Variants in FMN2 observed in about 807,000 individuals in gnomAD.
FMN2 encodes the protein formin 2.
In FMN2, 51 loss-of-function variants were observed where a neutral mutation model predicts 142.3. The ratio of observed to expected loss-of-function variants is 0.36; its 90% confidence interval spans 0.29 to 0.45. FMN2 has a LOEUF of 0.45. Ranked by LOEUF, FMN2 falls within the 20% of genes least tolerant of loss-of-function variation. FMN2 has a pLI of 1.00. For synonymous variants in FMN2, 882 were observed against 869.8 expected, an observed-to-expected ratio of 1.01 and a Z score of -0.25; for missense variants, 1,936 against 2,122.8, an observed-to-expected ratio of 0.91 and a Z score of 1.73.
chr1:240,175,989 C>G (rs1217839564), intron 2 of FMN2, among the ~76,000 whole-genome samples: 1 of 152,052 alleles, frequency 6.6e-6, no homozygotes, highest in Non-Finnish European at 1.5e-5. Context: ...TACTTCCTCC[C>G]ATTTTGTAGG....
At chr1:240,432,766 G>A (rs1675219315) in intron 15 of FMN2, among the ~76,000 whole-genome samples, 1 of 151,806 alleles carries the variant, frequency 6.6e-6, no homozygotes, top group Admixed American at 6.6e-5. Flanking sequence ...TCACAGGTTT[G>A]CTTAATTGCC....
intron 15 of FMN2, among the ~76,000 whole-genome samples, chr1:240,432,294 T>A (rs1209100848): frequency 6.6e-6 from 1 of 152,030 alleles, no homozygotes; most frequent in Non-Finnish European, 1.5e-5. Context: ...GGCATAAAAT[T>A]GTTTACAACA....
rs766875636 is a variant in FMN2 at position 240,092,260 on chromosome 1, G to C, written c.151G>C (p.Gly51Arg). 2.1e-5 allele frequency: 29 copies of C among 1,354,458 alleles called. No homozygotes were observed. The highest frequency in any genetic ancestry group is 1.2e-4 in the Admixed American group (6 of 48,826). The allele number at this position is 1,354,458 out of a possible 1,614,324, so 83.9% of individuals were successfully genotyped here. A position where few individuals can be genotyped will look rare whatever the true frequency, so the allele number is the denominator to read the frequency against. ...GAAGGCGCTAGGCAAGCACGGCAAG[G>C]GGGGAGGGGGCGGCGGCGGCGGCGG... ...GKKALGKHGK[G>R]GGGGGGGGES... Residue 51 changes from glycine (G) to arginine (R), a missense_variant, in exon 1 of 18, where the codon GGG becomes CGG. Gly to Arg is a moderately radical substitution (Grantham distance 125). This residue lies in a region of FMN2 where 751 missense variants were observed against 791.8 expected (regional missense o/e 0.95). Transcript: ENST00000319653.
chr1:240,274,458 T>A (rs1669126013), intron 7 of FMN2, among the ~76,000 whole-genome samples: 2 of 151,840 alleles, frequency 1.3e-5, no homozygotes. Context: ...GGGGAGAGAA[T>A]TGGAGACGTG....
intron 8 of FMN2, among the ~76,000 whole-genome samples, chr1:240,302,873 CT>C (rs1457549252): frequency 6.6e-6 from 1 of 151,938 alleles, no homozygotes; most frequent in Non-Finnish European, 1.5e-5. Context: ...AGTTTAATTT[CT>C]TTCACATAAA....
chr1:240,136,085 A>G (rs1211712003), intron 2 of FMN2, among the ~76,000 whole-genome samples: 2 of 152,086 alleles, frequency 1.3e-5, no homozygotes, highest in South Asian at 4.2e-4. Flanking sequence ...GTTTTTATAC[A>G]TATGTGTTTA....
At chr1:240,159,905 GTATATATA>G (rs34012500) in intron 2 of FMN2, among the ~76,000 whole-genome samples, 6,475 of 119,988 alleles carry the variant, frequency 0.054, 198 homozygotes, top group South Asian at 0.1. Context: ...ATATATCTGT[GTATATATA>G]TATATATATA....
intron 1 of FMN2, among the ~76,000 whole-genome samples, chr1:240,114,695 G>A (rs1661954328): frequency 2.3e-5 from 3 of 131,614 alleles, no homozygotes; most frequent in Non-Finnish European, 4.6e-5. Context: ...CTCACACTCT[G>A]TCGCCAGACT....
intron 14 of FMN2, among the ~76,000 whole-genome samples, chr1:240,375,635 A>C (rs1384507704): frequency 3.9e-5 from 6 of 152,282 alleles, no homozygotes; most frequent in South Asian, 4.1e-4. Context: ...CTTCAGAGGC[A>C]TTCTTAACTC....
intron 14 of FMN2, among the ~76,000 whole-genome samples, chr1:240,386,936 A>G (rs1673424108): frequency 6.6e-6 from 1 of 152,166 alleles, no homozygotes; most frequent in South Asian, 2.1e-4. Context: ...TGTTTCTTTT[A>G]TTGTATGGTT....
chr1:240,320,822 G>A (rs1367010329), intron 8 of FMN2, among the ~76,000 whole-genome samples: 3 of 152,166 alleles, frequency 2.0e-5, no homozygotes, highest in African/African-American at 7.2e-5. Flanking sequence ...CCGCTAAGAT[G>A]GTATTTGCCT....
chr1:240,406,278 G>T (rs1488406125), intron 15 of FMN2, among the ~76,000 whole-genome samples: 2 of 67,994 alleles, frequency 2.9e-5, no homozygotes, highest in Admixed American at 1.6e-4. Context: ...GCGAAGGGAA[G>T]CAGCCTCGGG....
chr1:240,376,720 G>A (rs183117922), intron 14 of FMN2, among the ~76,000 whole-genome samples: 103 of 152,240 alleles, frequency 6.8e-4, no homozygotes, highest in East Asian at 5.8e-3. Flanking sequence ...AGGGACTTTA[G>A]CATCCATGGA....
intron 6 of FMN2, among the ~76,000 whole-genome samples, chr1:240,252,970 T>TTTTTTTTTTTTTTTTTTG (rs1668333313): frequency 7.1e-6 from 1 of 140,160 alleles, no homozygotes; most frequent in Admixed American, 7.4e-5. Flanking sequence ...TTTTTTTTTT[T>TTTTTTTTTTTTTTTTTTG]GGAGACAGAG....
chr1:240,206,818 C>A lies in FMN2; in HGVS notation c.2006C>A (p.Ser669Tyr), dbSNP rs762630766. 1 of 1,610,634 alleles carries A rather than the reference C, an allele frequency of 6.2e-7. No individual in the cohort carries two copies. Among genetic ancestry groups the A allele is most frequent in the Admixed American group, 1.7e-5 (1 of 59,934 alleles). ...AVQKEVVDMKSEGQATVIQQL... is the reference protein window; with the variant it reads ...AVQKEVVDMKYEGQATVIQQL... ...CTTCAGGAAGTTGTTGACATGAAGT[C>A]TGAGGGACAGGCCACTGTAATTCAG... Residue 669 changes from serine (S) to tyrosine (Y), a missense_variant, in exon 5 of 18, where the codon TCT becomes TAT. Ser to Tyr is a moderately radical substitution (Grantham distance 144). Around this residue, in one of 8 missense-constraint regions of FMN2, gnomAD observed 478 missense variants for 462.8 expected, o/e 1.03. Transcript: ENST00000319653.
At chr1:240,380,141 C>T (rs2103080397) in intron 14 of FMN2, among the ~76,000 whole-genome samples, 1 of 152,278 alleles carries the variant, frequency 6.6e-6, no homozygotes, top group Middle Eastern at 3.4e-3. Flanking sequence ...AATGGAAAAA[C>T]ATTTATAGAA....
intron 14 of FMN2, among the ~76,000 whole-genome samples, chr1:240,388,214 G>T (rs1342854212): frequency 2.1e-5 from 1 of 48,210 alleles, no homozygotes; most frequent in African/African-American, 9.3e-5. Flanking sequence ...GGAAAAAAAC[G>T]TGGTGCTCAA....
chr1:240,355,951 C>CAAAAAAAAAAAAAAAAAAAAAAAA (rs58002724), intron 14 of FMN2, 43 bp downstream of exon 14: 27 of 252,968 alleles, frequency 1.1e-4, no homozygotes, highest in African/African-American at 3.9e-4. Context: ...CCCCTTTCAG[C>CAAAAAAAAAAAAAAAAAAAAAAAA]AAAAAAAAAA....
At chr1:240,447,666 G>A (rs1675873755) in intron 16 of FMN2, among the ~76,000 whole-genome samples, 1 of 152,308 alleles carries the variant, frequency 6.6e-6, no homozygotes, top group South Asian at 2.1e-4. Context: ...AATACGTGGG[G>A]CCTGAACGTA....
Sources: allele counts gnomAD v4.1 joint callset (sites outside exome capture counted in the v4.1 genomes callset), GRCh38; gene constraint gnomAD v4.1.1; regional missense constraint gnomAD v4.1.1; transcripts MANE v1.5; gene names NCBI Gene and HGNC (gene_info 2026-07-23, HGNC 2026-07-21).